Variants in ZFHX4 observed in about 807,000 individuals in gnomAD.
ZFHX4 encodes the protein zinc finger homeobox 4.
ZFHX4 carries 56 observed loss-of-function variants against 267.6 expected under a neutral mutation model. The observed-to-expected ratio is 0.21, with a 90% confidence interval of 0.17 to 0.26. The LOEUF (loss-of-function observed/expected upper bound fraction) is 0.26, where lower values mean the gene tolerates loss of function less well. ZFHX4 is among the 10% of genes least tolerant of loss of function. ZFHX4 has a pLI of 1.00. For missense variants in ZFHX4, 4,332 were observed against 4,420.0 expected, an observed-to-expected ratio of 0.98 and a Z score of 0.56; for synonymous variants, 1,778 against 1,665.6, an observed-to-expected ratio of 1.07 and a Z score of -1.64.
At chr8:76,763,571 C>T (rs895362535) in intron 3 of ZFHX4, among the ~76,000 whole-genome samples, 1 of 151,966 alleles carries the variant, frequency 6.6e-6, no homozygotes, top group East Asian at 1.9e-4. Flanking sequence ...TGCAGTGAGC[C>T]GTGATGGCCC....
At position 76,706,296 on chromosome 8, in the gene ZFHX4, G is replaced by A. The variant is rs937840814; in HGVS notation, c.2208G>A (p.Glu736=). Residue 736 remains glutamate, a synonymous_variant, in exon 2 of 11, where the codon GAG becomes GAA. Transcript: ENST00000651372. ...AGAATCTCCAAAATGGCAATGGTGA[G>A]CAGGTGTTTGGCCACTCTGCCCCAG... The part of the protein sequence containing the change: ...NVQNLQNGNG[E]QVFGHSAPAP... 3 of 1,614,018 alleles carry A rather than the reference G, an allele frequency of 1.9e-6. No individual in the cohort carries two copies. In the African/African-American group the frequency reaches 4.0e-5, roughly 22 times the overall value.
At chr8:76,790,412 G>A (rs1810803730) in intron 4 of ZFHX4, among the ~76,000 whole-genome samples, 1 of 152,032 alleles carries the variant, frequency 6.6e-6, no homozygotes, top group Non-Finnish European at 1.5e-5. Flanking sequence ...TTGTATGCTT[G>A]TTATAAAGCA....
chr8:76,699,504 A>C (rs775360461), intron 1 of ZFHX4, among the ~76,000 whole-genome samples: 2 of 152,142 alleles, frequency 1.3e-5, no homozygotes, highest in Non-Finnish European at 2.9e-5. Context: ...GAGATCAAAG[A>C]TGTATCTGAC....
chr8:76,706,382 C>T lies in ZFHX4; in HGVS notation c.2294C>T (p.Pro765Leu). ...TCTCCGTCCAAACCCAAACAGAAAC[C>T]CACCTGGCGGTGTGAAGTTTGTGAT... ...TPSPSKPKQK[P>L]TWRCEVCDYE... is the part of the protein sequence containing the mutation. The change falls in exon 2 of 11, where the codon CCC becomes CTC. Residue 765 changes from proline to leucine, a missense_variant. By Grantham distance (98) the Pro-to-Leu change is moderately conservative. Transcript: ENST00000651372. 1 of 1,614,106 alleles carries T rather than the reference C, an allele frequency of 6.2e-7. No individual in the cohort carries two copies. The highest frequency in any genetic ancestry group is 8.5e-7 in the Non-Finnish European group (1 of 1,179,980).
In ZFHX4 at chr8:76,730,623, C is replaced by T. The variant is rs564696837; in HGVS notation, c.3093+22575C>T. Reference sequence around the variant, plus strand: ...CTGAGGCATGAGAATCGATTGAATCCGGGAGGCAGAGGTTGCAGTGAGTCG... The same window carrying T: ...CTGAGGCATGAGAATCGATTGAATCTGGGAGGCAGAGGTTGCAGTGAGTCG... On this transcript the variant is annotated intron_variant, in intron 3 of 10. Coordinates refer to ENST00000651372, the MANE Select transcript of ZFHX4 (RefSeq NM_024721.5). Among the ~76,000 whole-genome samples the T allele has an allele frequency of 5.3e-5, 8 of 152,058 alleles. No homozygotes were observed. The South Asian group carries it at 1.2e-3, about 24-fold the overall frequency.
intron 3 of ZFHX4, among the ~76,000 whole-genome samples, chr8:76,732,764 C>T (rs970266012): frequency 3.9e-5 from 6 of 152,298 alleles, no homozygotes; most frequent in East Asian, 1.9e-4. Context: ...AGCATACCTT[C>T]GAAGGATTCT....
At chr8:76,825,147 A>G (rs1324367929) in intron 4 of ZFHX4, among the ~76,000 whole-genome samples, 3 of 152,222 alleles carry the variant, frequency 2.0e-5, no homozygotes, top group Non-Finnish European at 4.4e-5. Flanking sequence ...CCAAATTGAT[A>G]TAGTCTTTTC....
At chr8:76,712,465 C>A (rs942739436) in intron 3 of ZFHX4, among the ~76,000 whole-genome samples, 1 of 151,400 alleles carries the variant, frequency 6.6e-6, no homozygotes, top group Non-Finnish European at 1.5e-5. Context: ...ATTTTCATTT[C>A]AATAGGCCTG....
Position 76,729,060 on chromosome 8 carries a change from C to T in ZFHX4, c.3093+21012C>T, listed in dbSNP as rs546537409. 8.5e-5 allele frequency among the ~76,000 whole-genome samples: 13 copies of T among 152,188 alleles called. No homozygotes were observed. In the East Asian group the frequency reaches 2.5e-3, roughly 29 times the overall value. ...CATCAACTTTCTTTCTGAAATTGCT[C>T]GTTAGTGGTTCTTAAAGGGTTTGAT... On this transcript the variant is annotated intron_variant, in intron 3 of 10. Transcript: ENST00000651372.
intron 3 of ZFHX4, among the ~76,000 whole-genome samples, chr8:76,712,371 A>C (rs1336626760): frequency 6.6e-6 from 1 of 152,196 alleles, no homozygotes; most frequent in African/African-American, 2.4e-5. Flanking sequence ...AAATGGAATA[A>C]TTAGGTTCAT....
chr8:76,863,492 G>A lies in ZFHX4; in HGVS notation c.9778G>A (p.Gly3260Arg), dbSNP rs371057088. Residue 3260 changes from glycine to arginine, a missense_variant, in exon 11 of 11, where the codon GGA becomes AGA. By Grantham distance (125) the Gly-to-Arg change is moderately radical. Transcript: ENST00000651372. ...IAGDPASFIG[G>R]QFLPYFIPGF... ...TGGTGACCCAGCTTCCTTTATAGGCGGACAGTTCTTGCCATACTTTATCCC... is the reference window on the plus strand; with the variant it reads ...TGGTGACCCAGCTTCCTTTATAGGCAGACAGTTCTTGCCATACTTTATCCC... 91 of 1,613,512 alleles carry A rather than the reference G, an allele frequency of 5.6e-5. No individual in the cohort carries two copies. The highest frequency in any genetic ancestry group is 8.9e-5 in the East Asian group (4 of 44,884).
Position 76,695,493 on chromosome 8 carries a change from A to C in ZFHX4, c.-46-8550A>C, listed in dbSNP as rs540130869. On this transcript the variant is annotated intron_variant, in intron 1 of 10. Coordinates refer to ENST00000651372, the MANE Select transcript of ZFHX4 (RefSeq NM_024721.5). ...GTTAACACTTAATTTAAATAACAGT[A>C]ATTATGACGAAATACTTGTTGCATT... is the stretch of plus-strand genomic sequence containing the variant. Among the ~76,000 whole-genome samples the C allele has an allele frequency of 5.9e-5, 9 of 152,350 alleles. No homozygotes were observed. The East Asian group carries it at 1.3e-3, about 23-fold the overall frequency.
chr8:76,842,871 GC>G (rs1812272976), intron 6 of ZFHX4, 100 bp downstream of exon 6: 1 of 782,966 alleles, frequency 1.3e-6, no homozygotes. Flanking sequence ...CTTATTAAAA[GC>G]TTTTATTCAT....
chr8:76,787,498 G>A (rs1046948611), intron 4 of ZFHX4, among the ~76,000 whole-genome samples: 5 of 151,942 alleles, frequency 3.3e-5, no homozygotes, highest in African/African-American at 1.2e-4. Context: ...TAGAAAACAA[G>A]ATTAGAAAAT....
intron 4 of ZFHX4, among the ~76,000 whole-genome samples, chr8:76,830,742 T>C (rs922416985): frequency 1.3e-5 from 2 of 152,198 alleles, no homozygotes; most frequent in Non-Finnish European, 2.9e-5. Context: ...TGACATTTTG[T>C]ACATTTCATT....
intron 3 of ZFHX4, among the ~76,000 whole-genome samples, chr8:76,763,286 G>A (rs2131734023): frequency 6.6e-6 from 1 of 152,300 alleles, no homozygotes; most frequent in African/African-American, 2.4e-5. Flanking sequence ...AAGGACCTTA[G>A]ATGAAAAAGC....
intron 3 of ZFHX4, among the ~76,000 whole-genome samples, chr8:76,722,941 C>T (rs998256273): frequency 6.6e-6 from 1 of 151,922 alleles, no homozygotes; most frequent in African/African-American, 2.4e-5. Context: ...CTTTATCTCC[C>T]CAATTGGCCT....
Position 76,705,859 on chromosome 8 carries a change from C to T in ZFHX4, c.1771C>T (p.His591Tyr), listed in dbSNP as rs1441170099. 4.3e-6 allele frequency: 7 copies of T among 1,613,842 alleles called. No individual in the cohort carries two copies. Among genetic ancestry groups the T allele is most frequent in the African/African-American group, 1.3e-5 (1 of 75,000 alleles). The change falls in exon 2 of 11, where the codon CAT (histidine) becomes TAT (tyrosine). Residue 591 changes from histidine (H) to tyrosine (Y), a missense_variant. Physicochemically the swap from His to Tyr is moderately conservative, Grantham distance 83. This residue lies in a region of ZFHX4 where 1,195 missense variants were observed against 1,173.6 expected (regional missense o/e 1.02). Transcript: ENST00000651372. ...DEDSSATPHQ[H>Y]GFTPSTPGTP... ...AGACAGTTCAGCCACTCCTCACCAG[C>T]ATGGCTTTACCCCGAGTACTCCTGG...
At chr8:76,746,026 A>G (rs960269058) in intron 3 of ZFHX4, among the ~76,000 whole-genome samples, 1 of 152,220 alleles carries the variant, frequency 6.6e-6, no homozygotes, top group Non-Finnish European at 1.5e-5. Context: ...GGTTTCTGGT[A>G]ACATATCTGT....
Sources: allele counts gnomAD v4.1 joint callset (sites outside exome capture counted in the v4.1 genomes callset), GRCh38; gene constraint gnomAD v4.1.1; regional missense constraint gnomAD v4.1.1; transcripts MANE v1.5; gene names NCBI Gene and HGNC (gene_info 2026-07-23, HGNC 2026-07-21).